The following CPNE9 variants were observed in gnomAD, a reference collection of about 807,000 sequenced individuals.
CPNE9 encodes the protein copine-9.
A neutral mutation model predicts 83.0 loss-of-function variants in CPNE9; 59 were observed. The ratio of observed to expected loss-of-function variants is 0.71; its 90% CI spans 0.58 to 0.88. The LOEUF (loss-of-function observed/expected upper bound fraction) is 0.88, where lower values mean the gene tolerates loss of function less well. CPNE9 is among the 40% of genes least tolerant of loss of function. The pLI is 0.00. For missense variants in CPNE9, 619 were observed against 720.8 expected (o/e 0.86, Z 1.62); for synonymous variants, 256 against 273.4 (o/e 0.94, Z 0.63).
rs771975528 is a variant in CPNE9 at position 9,718,545 on chromosome 3, G to A, written c.1184G>A (p.Arg395His). The A allele has an allele frequency of 1.8e-5, 29 of 1,613,564 alleles. No homozygotes were observed. Among genetic ancestry groups the A allele is most frequent in the East Asian group, 2.2e-5 (1 of 44,880 alleles). Residue 395 changes from arginine (R) to histidine (H), a missense_variant, in exon 17 of 21, where the codon CGC (arginine) becomes CAC (histidine). Arg to His is a conservative substitution (Grantham distance 29). Coordinates refer to ENST00000383832, the MANE Select transcript of CPNE9 (RefSeq NM_153635.3). ...GVLESYFQSL[R>H]TVQLYGPTYF... The stretch of plus-strand genomic sequence containing the variant: ...CTGGAGAGCTATTTCCAGAGCCTGC[G>A]CACAGTGCAGCTCTATGGGCCCACC...
At chr3:9,709,631 G>C (rs1357281933) in intron 7 of CPNE9, among the ~76,000 whole-genome samples, 1 of 150,966 alleles carries the variant, frequency 6.6e-6, no homozygotes, top group Non-Finnish European at 1.5e-5. Context: ...GCCTCCCAAA[G>C]TGCTGGGATT....
At chr3:9,713,203 T>C in intron 10 of CPNE9, 124 bp downstream of exon 10, 1 of 737,258 alleles carries the variant, frequency 1.4e-6, no homozygotes, top group South Asian at 1.7e-5. Context: ...AGACAGAGTT[T>C]GGGGCATGAG....
rs2076545270 is a variant in CPNE9, at chr3:9,704,884, T to C, written c.157-7T>C. 1 of 1,610,180 alleles carries C rather than the reference T, an allele frequency of 6.2e-7. No homozygotes were observed. Among genetic ancestry groups the C allele is most frequent in the African/African-American group, 1.3e-5 (1 of 74,676 alleles). On this transcript the variant is annotated splice_polypyrimidine_tract_variant and splice_region_variant and intron_variant, in intron 3 of 20. Coordinates refer to ENST00000383832, the MANE Select transcript of CPNE9 (RefSeq NM_153635.3). The surrounding 1 kb of genome is among the most constrained non-coding windows in gnomAD (Gnocchi z 7.1). ...GTCCCACGCTGACCCTCCACCCCCC[T>C]ACCCAGTTCGGACGGACCGAGGTGA... is the stretch of plus-strand genomic sequence containing the variant.
intron 7 of CPNE9, among the ~76,000 whole-genome samples, chr3:9,709,304 G>C (rs932213561): frequency 2.7e-5 from 4 of 145,620 alleles, no homozygotes; most frequent in African/African-American, 1.0e-4. Context: ...AAAAAAGAAA[G>C]AAAAGAAAAG....
At chr3:9,707,018 C>T (rs549754253) in intron 7 of CPNE9, among the ~76,000 whole-genome samples, 1 of 152,240 alleles carries the variant, frequency 6.6e-6, no homozygotes, top group East Asian at 1.9e-4. Context: ...AGTGACATGA[C>T]ATGGCGGCTT....
Position 9,726,734 on chromosome 3 carries a change from G to A in CPNE9, c.1402+12G>A. On this transcript the variant is annotated intron_variant, in intron 19 of 20. Transcript: ENST00000383832. ...AGCCATGTTTGAGGGTGAGTAGGAA[G>A]GGGTGTCCCTGAGTGGGACTAAGAA... is the stretch of plus-strand genomic sequence containing the variant. The A allele has an allele frequency of 6.2e-7, 1 of 1,613,198 alleles. No homozygotes were observed. Among genetic ancestry groups the A allele is most frequent in the Non-Finnish European group, 8.5e-7 (1 of 1,179,194 alleles).
At chr3:9,720,342 C>T (rs1392785197) in intron 17 of CPNE9, among the ~76,000 whole-genome samples, 1 of 151,736 alleles carries the variant, frequency 6.6e-6, no homozygotes, top group African/African-American at 2.4e-5. Flanking sequence ...TTTATATGTC[C>T]ATAGACTTTT....
At position 9,704,046 on chromosome 3, in the gene CPNE9, A is replaced by G. The variant is rs1250856519; in HGVS notation, c.50A>G (p.Glu17Gly). 6.2e-7 allele frequency: 1 copy of G among 1,608,924 alleles called. No homozygotes were observed. Among genetic ancestry groups the G allele is most frequent in the Non-Finnish European group, 8.5e-7 (1 of 1,178,676 alleles). Residue 17 changes from glutamate to glycine, a missense_variant, in exon 1 of 21, where the codon GAA becomes GGA. By Grantham distance (98) the Glu-to-Gly change is moderately conservative. Coordinates refer to ENST00000383832, the MANE Select transcript of CPNE9 (RefSeq NM_153635.3). The surrounding 1 kb of genome is among the most constrained non-coding windows in gnomAD (Gnocchi z 7.1). ...SERSVPATKI[E>G]ITVSCRNLLD... ...CGCAGCGTCCCGGCCACCAAGATTGAAATTACCGTGTCCTGCCGGTGAGCG... is the reference window on the plus strand; with the variant it reads ...CGCAGCGTCCCGGCCACCAAGATTGGAATTACCGTGTCCTGCCGGTGAGCG...
intron 17 of CPNE9, among the ~76,000 whole-genome samples, chr3:9,724,719 CCTATCTATCTATCTATCTATCTAT>C (rs56320778): frequency 1.5e-4 from 22 of 146,936 alleles, no homozygotes; most frequent in Non-Finnish European, 2.1e-4. Context: ...ACATCAGGAT[CCTATCTATCTATCTATCTATCTAT>C]CTATCTATCT....
intron 6 of CPNE9, 128 bp from the exon 7 acceptor site, chr3:9,705,859 G>A: frequency 7.5e-7 from 1 of 1,340,040 alleles, no homozygotes; most frequent in East Asian, 2.3e-5. Context: ...AGCCCATGTA[G>A]GGCCGTGGCT....
chr3:9,705,795 C>A, intron 6 of CPNE9, 75 bp downstream of exon 6: 3 of 1,509,650 alleles, frequency 2.0e-6, no homozygotes, highest in South Asian at 2.3e-5. Flanking sequence ...ACTGATGACC[C>A]ACTACAAGGC....
chr3:9,718,126 C>T lies in CPNE9; in HGVS notation c.1029C>T (p.Asp343=). Residue 343 remains aspartate, a synonymous_variant, in exon 16 of 21, where the codon GAC becomes GAT. Coordinates refer to ENST00000383832, the MANE Select transcript of CPNE9 (RefSeq NM_153635.3). The part of the protein sequence containing the change: ...ALKAVGEIIQ[D]YDSDKLFPAY... Reference sequence around the variant, plus strand: ...AGGCAGTGGGAGAGATCATCCAGGACTATGACAGTGATAAGCTCTTCCCAG... The same window carrying T: ...AGGCAGTGGGAGAGATCATCCAGGATTATGACAGTGATAAGCTCTTCCCAG... 1 of 1,614,136 alleles carries T rather than the reference C, an allele frequency of 6.2e-7. No homozygotes were observed. The highest frequency in any genetic ancestry group is 8.5e-7 in the Non-Finnish European group (1 of 1,180,000).
chr3:9,704,000 T>G lies in CPNE9; in HGVS notation c.4T>G (p.Ser2Ala), dbSNP rs1327033246. The G allele has an allele frequency of 1.2e-6, 2 of 1,605,440 alleles. No individual in the cohort carries two copies. Among genetic ancestry groups the G allele is most frequent in the Middle Eastern group, 1.7e-4 (1 of 6,042 alleles). M[S>A]LGGASERSVP... Reference sequence around the variant, plus strand: ...GGCTCTGGTCGCCCGACCAGCCATGTCTCTCGGCGGAGCCTCCGAGCGCAG... The same window carrying G: ...GGCTCTGGTCGCCCGACCAGCCATGGCTCTCGGCGGAGCCTCCGAGCGCAG... Residue 2 changes from serine (S) to alanine (A), a missense_variant, in exon 1 of 21, where the codon TCT (serine) becomes GCT (alanine). By Grantham distance (99) the Ser-to-Ala change is moderately conservative. Around this residue, in one of 3 missense-constraint regions of CPNE9, gnomAD observed 130 missense variants for 117.5 expected, o/e 1.11. Transcript: ENST00000383832.
rs201448136 is a variant in CPNE9 at position 9,706,082 on chromosome 3, G to A, written c.377+19G>A. The A allele has an allele frequency of 3.1e-6, 5 of 1,611,864 alleles. No homozygotes were observed. The African/African-American group carries it at 6.7e-5, about 21-fold the overall frequency. On this transcript the variant is annotated intron_variant, in intron 7 of 20. Transcript: ENST00000383832. The stretch of plus-strand genomic sequence containing the variant: ...CCCTCACGTAAGCTGAATAGGAAGG[G>A]GTGTGGGAGTGGGGTGGGGGCTTCC...
Position 9,715,358 on chromosome 3 carries a change from A to G in CPNE9, c.762A>G (p.Val254=). The G allele has an allele frequency of 1.9e-6, 3 of 1,614,248 alleles. No individual in the cohort carries two copies. Among genetic ancestry groups the G allele is most frequent in the Non-Finnish European group, 2.5e-6 (3 of 1,180,040 alleles). The change falls in exon 12 of 21, where the codon GTA becomes GTG. Residue 254 remains valine, a synonymous_variant. Coordinates refer to ENST00000383832, the MANE Select transcript of CPNE9 (RefSeq NM_153635.3). ...GCAAGGCCCAGAACCAGTTCACAGT[A>G]TATGAGGTGAGCATTCCAGCCCTGC... ...ELSKAQNQFT[V]YEVLNPRKKC...
intron 15 of CPNE9, among the ~76,000 whole-genome samples, chr3:9,717,724 AGCT>A (rs2076696741): frequency 6.6e-6 from 1 of 152,104 alleles, no homozygotes. Flanking sequence ...GTAAGTGGAT[AGCT>A]GCATAAGAGA....
Position 9,704,098 on chromosome 3 carries a change from T to C in CPNE9, c.68+34T>C. 1 of 1,586,182 alleles carries C rather than the reference T, an allele frequency of 6.3e-7. No homozygotes were observed. The highest frequency in any genetic ancestry group is 1.1e-5 in the South Asian group (1 of 87,972). On this transcript the variant is annotated intron_variant, in intron 1 of 20. Transcript: ENST00000383832. This position sits in a 1 kb window ranked among gnomAD's most constrained non-coding sequence, Gnocchi z 7.1. The stretch of plus-strand genomic sequence containing the variant: ...GCCGCGCTGGGGAGGGCTTAGGCAC[T>C]GGCACTGCCCCAGCCCCAGCCAGCC...
intron 20 of CPNE9, 68 bp downstream of exon 20, chr3:9,727,254 C>T: frequency 6.7e-7 from 1 of 1,495,748 alleles, no homozygotes; most frequent in South Asian, 1.1e-5. Context: ...TTGGGAGCCA[C>T]TTTCACTTAC....
intron 7 of CPNE9, among the ~76,000 whole-genome samples, chr3:9,710,049 G>C (rs550424426): frequency 2.0e-5 from 3 of 151,128 alleles, no homozygotes; most frequent in African/African-American, 7.3e-5. Context: ...TACATTGGCC[G>C]GGCATAGTGT....
Sources: allele counts gnomAD v4.1 joint callset (sites outside exome capture counted in the v4.1 genomes callset), GRCh38; gene constraint gnomAD v4.1.1; regional missense constraint gnomAD v4.1.1; non-coding constraint Gnocchi (gnomAD v3.1); transcripts MANE v1.5; gene names NCBI Gene and HGNC (gene_info 2026-07-23, HGNC 2026-07-21).